The following SLC16A3 variants were observed in gnomAD, a reference collection of about 807,000 sequenced individuals.
The protein encoded by SLC16A3 is solute carrier family 16 member 3.
A neutral mutation model predicts 25.0 loss-of-function variants in SLC16A3; 22 were observed. The ratio of observed to expected loss-of-function variants is 0.88; its 90% CI spans 0.63 to 1.26. The LOEUF (loss-of-function observed/expected upper bound fraction) is 1.26, where lower values mean the gene tolerates loss of function less well. Ranked by LOEUF, SLC16A3 falls within the 50% of genes most tolerant of loss-of-function variation. The pLI, the probability that SLC16A3 is intolerant of heterozygous loss-of-function variation, is 0.00. For missense variants in SLC16A3, 731 were observed against 666.6 expected (o/e 1.10, Z -1.06); for synonymous variants, 390 against 309.2 (o/e 1.26, Z -2.74).
At position 82,237,420 on chromosome 17, in the gene SLC16A3, T is replaced by C. The variant is rs777458280; in HGVS notation, c.650T>C (p.Leu217Pro). ...GGGCCGCCGCGACCCTCCCGGCGCC[T>C]GCTAGACCTGAGCGTCTTCCGGGAC... ...GSGPPRPSRR[L>P]LDLSVFRDRG... The change falls in exon 4 of 5, where the codon CTG (leucine) becomes CCG (proline). Residue 217 changes from leucine to proline, a missense_variant. By Grantham distance (98) the Leu-to-Pro change is moderately conservative (BLOSUM62 -3). Transcript: ENST00000582743. 2 of 1,578,062 alleles carry C rather than the reference T, an allele frequency of 1.3e-6. No homozygotes were observed. The highest frequency in any genetic ancestry group is 1.7e-6 in the Non-Finnish European group (2 of 1,163,194).
intron 1 of SLC16A3, among the ~76,000 whole-genome samples, chr17:82,221,769 C>T (rs1397461302): frequency 2.0e-5 from 3 of 152,100 alleles, no homozygotes; most frequent in Non-Finnish European, 4.4e-5. Context: ...GCTGGTGTGG[C>T]AGCACGGGCC....
In SLC16A3 at chr17:82,236,865, C is replaced by T. The variant is rs752387488; in HGVS notation, c.360C>T (p.Val120=). The change falls in exon 3 of 5, where the codon GTC becomes GTT. Residue 120 remains valine, a synonymous_variant. Coordinates refer to ENST00000582743, the MANE Select transcript of SLC16A3 (RefSeq NM_004207.4). The part of the protein sequence containing the change: ...SIIQVYLTTG[V]ITGLGLALNF... Reference sequence around the variant, plus strand: ...TCCAGGTCTACCTCACCACTGGGGTCATCACGGGTGAGTGGGGCCGGCCGG... The same window carrying T: ...TCCAGGTCTACCTCACCACTGGGGTTATCACGGGTGAGTGGGGCCGGCCGG... The T allele has an allele frequency of 1.2e-6, 2 of 1,605,808 alleles. No homozygotes were observed. Among genetic ancestry groups the T allele is most frequent in the Non-Finnish European group, 1.7e-6 (2 of 1,179,726 alleles).
At chr17:82,232,372 C>T in intron 1 of SLC16A3, 1 of 152,596 alleles carries the variant, frequency 6.6e-6, no homozygotes, top group East Asian at 1.9e-4. Context: ...GAGGGGTCTG[C>T]AGGTCCAGAC....
chr17:82,238,569 C>G, intron 4 of SLC16A3, 133 bp from the exon 5 acceptor site: 2 of 896,722 alleles, frequency 2.2e-6, no homozygotes, highest in South Asian at 2.1e-5. Flanking sequence ...GAGAACACCT[C>G]CCAGCCCCAC....
chr17:82,236,122 C>T lies in SLC16A3; in HGVS notation c.114C>T (p.Phe38=). The T allele has an allele frequency of 6.2e-7, 1 of 1,613,254 alleles. No individual in the cohort carries two copies. The change falls in exon 2 of 5, where the codon TTC becomes TTT. Residue 38 remains phenylalanine, a synonymous_variant. Transcript: ENST00000582743. The stretch of plus-strand genomic sequence containing the variant: ...TCATCACTGGCTTCTCCTACGCCTT[C>T]CCCAAGGCCGTCAGTGTCTTCTTCA... The part of the protein sequence containing the change: ...CFVITGFSYA[F]PKAVSVFFKE...
At chr17:82,238,350 G>A (rs1160015457) in intron 4 of SLC16A3, among the ~76,000 whole-genome samples, 1 of 152,168 alleles carries the variant, frequency 6.6e-6, no homozygotes, top group African/African-American at 2.4e-5. Flanking sequence ...TGGAGTCCGC[G>A]GTGGCCAGGG....
At position 82,239,812 on chromosome 17, in the gene SLC16A3, C is replaced by G; in HGVS notation, c.*836C>G. ...CTTTTTCGCCCCTCTGCCTGGCTGG[C>G]AGTGTGCGTGGTGTGGTCAGTGCCC... is the stretch of plus-strand genomic sequence containing the variant. On this transcript the variant is annotated 3_prime_UTR_variant, in exon 5 of 5. Coordinates refer to ENST00000582743, the MANE Select transcript of SLC16A3 (RefSeq NM_004207.4). The G allele has an allele frequency of 2.5e-6, 1 of 405,582 alleles. No individual in the cohort carries two copies. Among genetic ancestry groups the G allele is most frequent in the South Asian group, 1.4e-4 (1 of 7,210 alleles). 25.1% of individuals were successfully genotyped at this position (405,582 alleles called of 1,614,324 possible).
At chr17:82,228,390 C>CG (rs2050441419), upstream of SLC16A3, 1 of 152,378 alleles carries the variant, frequency 6.6e-6, no homozygotes, top group Middle Eastern at 3.4e-3. Context: ...TGTAGGGCCC[C>CG]GCAGGGCGCG....
chr17:82,236,183 G>A lies in SLC16A3; in HGVS notation c.175G>A (p.Asp59Asn), dbSNP rs756232980. The A allele has an allele frequency of 9.4e-5, 151 of 1,612,944 alleles. No individual in the cohort carries two copies. The highest frequency in any genetic ancestry group is 6.7e-5 in the Admixed American group (4 of 60,010). ...ACAGGAGTTTGGGATCGGCTACAGC[G>A]ACACAGCCTGGATCTCCTCCATCCT... ...LIQEFGIGYSDTAWISSILLA... is the reference protein window; with the variant it reads ...LIQEFGIGYSNTAWISSILLA... Residue 59 changes from aspartate to asparagine, a missense_variant, in exon 2 of 5, where the codon GAC (aspartate) becomes AAC (asparagine). Transcript: ENST00000582743.
rs1568541564 is a variant in SLC16A3, at chr17:82,237,861, C to T, written c.1091C>T (p.Ala364Val). The T allele has an allele frequency of 2.5e-6, 4 of 1,602,974 alleles. No homozygotes were observed. Among genetic ancestry groups the T allele is most frequent in the South Asian group, 1.1e-5 (1 of 91,038 alleles). The change falls in exon 4 of 5, where the codon GCG (alanine) becomes GTG (valine). Residue 364 changes from alanine (A) to valine (V), a missense_variant. By Grantham distance (64) the Ala-to-Val change is moderately conservative. Coordinates refer to ENST00000582743, the MANE Select transcript of SLC16A3 (RefSeq NM_004207.4). ...SAIGLVLLMEAVAVLVGPPSG... is the reference protein window; with the variant it reads ...SAIGLVLLMEVVAVLVGPPSG... Reference sequence around the variant, plus strand: ...ATTGGCCTGGTGCTGCTGATGGAGGCGGTGGCCGTGCTCGTCGGGCCCCCT... The same window carrying T: ...ATTGGCCTGGTGCTGCTGATGGAGGTGGTGGCCGTGCTCGTCGGGCCCCCT...
Position 82,237,494 on chromosome 17 carries a change from C to G in SLC16A3, c.724C>G (p.Leu242Val), listed in dbSNP as rs1180488091. 6.2e-7 allele frequency: 1 copy of G among 1,610,960 alleles called. No individual in the cohort carries two copies. The highest frequency in any genetic ancestry group is 1.1e-5 in the South Asian group (1 of 90,982). Reference sequence around the variant, plus strand: ...GGCCGCCTCGGTCATGGTGCTGGGGCTCTTCGTCCCGCCCGTGTTCGTGGT... The same window carrying G: ...GGCCGCCTCGGTCATGGTGCTGGGGGTCTTCGTCCCGCCCGTGTTCGTGGT... ...AVAASVMVLG[L>V]FVPPVFVVSY... The change falls in exon 4 of 5, where the codon CTC becomes GTC. Residue 242 changes from leucine to valine, a missense_variant. Physicochemically the swap from Leu to Val is conservative, Grantham distance 32. Transcript: ENST00000582743.
intron 1 of SLC16A3, among the ~76,000 whole-genome samples, chr17:82,222,751 C>T (rs2050396924): frequency 6.7e-6 from 1 of 148,182 alleles, no homozygotes; most frequent in Non-Finnish European, 1.5e-5. Flanking sequence ...TGCAATGAGC[C>T]GAGATCAAGC....
upstream of SLC16A3, among the ~76,000 whole-genome samples, chr17:82,225,688 A>G (rs2050417389): frequency 6.6e-6 from 1 of 152,120 alleles, no homozygotes; most frequent in Admixed American, 6.5e-5. Flanking sequence ...ATGGGGCGGC[A>G]ACTGGTGCTG....
At position 82,237,232 on chromosome 17, in the gene SLC16A3, A is replaced by G. The variant is rs778195547; in HGVS notation, c.462A>G (p.Ala154=). ...CCATGGCCAACGGGCTGGCGGCAGC[A>G]GGTAGCCCTGTCTTCCTGTGTGCCC... ...RRPMANGLAA[A]GSPVFLCALS... is the part of the protein sequence containing the mutation. The change falls in exon 4 of 5, where the codon GCA becomes GCG. Residue 154 remains alanine (A), a synonymous_variant. Coordinates refer to ENST00000582743, the MANE Select transcript of SLC16A3 (RefSeq NM_004207.4). 5.8e-6 allele frequency: 9 copies of G among 1,555,894 alleles called. No homozygotes were observed. In the African/African-American group the frequency reaches 1.2e-4, roughly 21 times the overall value.
Position 82,219,443 on chromosome 17 carries a change from G to A in SLC16A3, c.-27+1259G>A, listed in dbSNP as rs561235699. Reference sequence around the variant, plus strand: ...AGCAGGGAAGGTCCGGTCACCCCCAGGCACTTGCAGGCCGTGGGGGCTCCC... The same window carrying A: ...AGCAGGGAAGGTCCGGTCACCCCCAAGCACTTGCAGGCCGTGGGGGCTCCC... On this transcript the variant is annotated intron_variant, in intron 1 of 4. Coordinates refer to the SLC16A3 transcript ENST00000580098. 9.2e-5 allele frequency among the ~76,000 whole-genome samples: 14 copies of A among 152,250 alleles called. No homozygotes were observed. The South Asian group carries it at 1.0e-3, about 11-fold the overall frequency.
chr17:82,239,597 G>C lies in SLC16A3; in HGVS notation c.*621G>C, dbSNP rs745552148. On this transcript the variant is annotated 3_prime_UTR_variant, in exon 5 of 5. Transcript: ENST00000582743. ...TGTCCTCGCCAGCTTTCCCTGCAGC[G>C]GCATAGCATTCGTAGCAGGGGCAGG... is the stretch of plus-strand genomic sequence containing the variant. The C allele has an allele frequency of 3.2e-5, 7 of 215,838 alleles. No individual in the cohort carries two copies. The highest frequency in any genetic ancestry group is 5.5e-5 in the Non-Finnish European group (6 of 109,924). The allele number at this position is 215,838 out of a possible 1,614,324, so 13.4% of individuals were successfully genotyped here.
Position 82,238,133 on chromosome 17 carries a change from G to A in SLC16A3, c.1123+240G>A, listed in dbSNP as rs111664535. The stretch of plus-strand genomic sequence containing the variant: ...GGCAGGGTGGCTAGGGGCTGGGCCC[G>A]GGGGGGGGCAGCTCCTCCAGGCTCT... On this transcript the variant is annotated intron_variant, in intron 4 of 4. Coordinates refer to ENST00000582743, the MANE Select transcript of SLC16A3 (RefSeq NM_004207.4). Among the ~76,000 whole-genome samples, 150 of 149,778 alleles carry A rather than the reference G, an allele frequency of 1.0e-3. 1 individual carries two copies. The highest frequency in any genetic ancestry group is 3.4e-3 in the African/African-American group (138 of 40,668).
intron 1 of SLC16A3, among the ~76,000 whole-genome samples, chr17:82,232,927 G>GGGT (rs1443293300): frequency 6.6e-6 from 1 of 151,162 alleles, no homozygotes; most frequent in East Asian, 2.0e-4. Flanking sequence ...GCGGGGGGGG[G>GGGT]GTTGGTAAAT....
chr17:82,233,260 G>T (rs2147121054), intron 1 of SLC16A3, among the ~76,000 whole-genome samples: 1 of 152,328 alleles, frequency 6.6e-6, no homozygotes, highest in East Asian at 1.9e-4. Context: ...CCACAGGCTG[G>T]GTGAGGACAG....
Sources: gnomAD v4.1 joint callset for allele counts (sites outside exome capture counted in the v4.1 genomes callset) on GRCh38, gnomAD v4.1.1 for gene constraint, MANE v1.5 for transcripts, NCBI Gene and HGNC (gene_info 2026-07-23, HGNC 2026-07-21) for gene names.